The following INO80E variants were observed in gnomAD, a reference collection of about 807,000 sequenced individuals.
INO80E encodes coiled-coil domain containing 95.
A neutral mutation model predicts 27.3 loss-of-function variants in INO80E; 20 were observed. That is an observed-to-expected ratio of 0.73 (90% confidence interval 0.51 to 1.06). The LOEUF (loss-of-function observed/expected upper bound fraction) is 1.06. Among genes scored for constraint, INO80E ranks in the 50% least tolerant of loss-of-function variants. INO80E has a pLI of 0.00. For synonymous variants in INO80E, 167 were observed against 145.9 expected (o/e 1.14, Z -1.04); for missense variants, 357 against 322.8 (o/e 1.11, Z -0.81).
chr16:30,001,640 A>C, intron 6 of INO80E, 110 bp downstream of exon 6: 1 of 1,041,710 alleles, frequency 9.6e-7, no homozygotes. Flanking sequence ...TAATTTGGGG[A>C]CCCAGTCAGC....
Position 29,996,296 on chromosome 16 carries a change from A to G in INO80E, c.-15A>G. ...AGCGGGAGGGCAGACTCTGGGCGCC[A>G]CTCCCGGGCCGGTCATGAACGGGCC... is the stretch of plus-strand genomic sequence containing the variant. On this transcript the variant is annotated 5_prime_UTR_variant, in exon 1 of 7. Transcript: ENST00000563197. 6.3e-7 allele frequency: 1 copy of G among 1,579,106 alleles called. No homozygotes were observed. Among genetic ancestry groups the G allele is most frequent in the Non-Finnish European group, 8.6e-7 (1 of 1,162,748 alleles).
rs770697161 is a variant in INO80E, at chr16:30,001,545, G to C, written c.513+15G>C. The stretch of plus-strand genomic sequence containing the variant: ...GGAAACTCAAGGTACCCTGACGTGG[G>C]GGTGCTAGGGAGGGGCAGGACGGCA... On this transcript the variant is annotated intron_variant, in intron 6 of 6. Transcript: ENST00000563197. 6 of 1,608,420 alleles carry C rather than the reference G, an allele frequency of 3.7e-6. No individual in the cohort carries two copies. The highest frequency in any genetic ancestry group is 1.7e-5 in the Admixed American group (1 of 59,406).
intron 3 of INO80E, 84 bp from the exon 4 acceptor site, chr16:30,000,674 C>A: frequency 9.0e-7 from 1 of 1,115,400 alleles, no homozygotes; most frequent in Non-Finnish European, 1.3e-6. Flanking sequence ...CTTCCAGTGC[C>A]CTTCTGTAGT....
intron 6 of INO80E, chr16:30,001,807 G>T (rs1020594204): frequency 9.2e-6 from 4 of 436,876 alleles, no homozygotes. Context: ...ATTTTCCCAG[G>T]GGGGCGTGTT....
chr16:29,996,505 C>T (rs761824058), intron 1 of INO80E, 42 bp from the exon 2 acceptor site: 4 of 1,553,302 alleles, frequency 2.6e-6, no homozygotes, highest in African/African-American at 1.4e-5. Flanking sequence ...GGGCCCTTCA[C>T]GGAGGACCGT....
intron 6 of INO80E, chr16:30,002,402 G>C (rs1055481875): frequency 4.6e-5 from 7 of 152,724 alleles, no homozygotes; most frequent in African/African-American, 1.7e-4. Flanking sequence ...GTGTGGAGGG[G>C]GAGTGATCTA....
intron 3 of INO80E, 134 bp downstream of exon 3, chr16:29,996,994 C>T (rs1161034384): frequency 5.0e-6 from 4 of 797,944 alleles, no homozygotes; most frequent in Admixed American, 2.1e-5. Flanking sequence ...TTGCCTTCCA[C>T]CTCCACCGTT....
chr16:29,997,615 G>A (rs535623014), intron 3 of INO80E, among the ~76,000 whole-genome samples: 42 of 152,136 alleles, frequency 2.8e-4, no homozygotes, highest in Admixed American at 8.5e-4. Context: ...TTAGTCGGGT[G>A]TGGTGGCGTG....
chr16:29,996,924 C>T lies in INO80E; in HGVS notation c.205+64C>T. 2.0e-6 allele frequency: 3 copies of T among 1,525,208 alleles called. No homozygotes were observed. The African/African-American group carries it at 4.1e-5, about 21-fold the overall frequency. 94.5% of individuals were successfully genotyped at this position (1,525,208 alleles called of 1,614,324 possible). A position where few individuals can be genotyped will look rare whatever the true frequency, so the allele number is the denominator to read the frequency against. Reference sequence around the variant, plus strand: ...CCTGGTACTTAGCAAGCTTCCTGGGCCCCCGCCTTTTAGGCAGTGGTGGCT... The same window carrying T: ...CCTGGTACTTAGCAAGCTTCCTGGGTCCCCGCCTTTTAGGCAGTGGTGGCT... On this transcript the variant is annotated intron_variant, in intron 3 of 6. Coordinates refer to ENST00000563197, the MANE Select transcript of INO80E (RefSeq NM_173618.3).
chr16:30,001,194 C>T, intron 5 of INO80E, 154 bp downstream of exon 5: 2 of 1,476,142 alleles, frequency 1.4e-6, no homozygotes, highest in Non-Finnish European at 1.8e-6. Flanking sequence ...CGGGGCTGCC[C>T]CCTTCTCTCT....
intron 3 of INO80E, chr16:29,999,192 G>A (rs1391914346): frequency 7.2e-5 from 11 of 152,236 alleles, no homozygotes; most frequent in Admixed American, 7.2e-4. Flanking sequence ...GAAATAGGCA[G>A]GGGCCCACTC....
intron 3 of INO80E, chr16:29,999,241 C>T (rs1026538152): frequency 2.0e-5 from 3 of 152,258 alleles, no homozygotes; most frequent in African/African-American, 7.2e-5. Context: ...TTATTGTAGC[C>T]TCTCATCCCC....
At position 29,996,381 on chromosome 16, in the gene INO80E, T is replaced by G. The variant is rs1386370514; in HGVS notation, c.71T>G (p.Phe24Cys). ...CGGAATCTGAAGCGGAAGCTCAAGTTCCTCATCTACGTGAGTGCTGCCGCG... is the reference window on the plus strand; with the variant it reads ...CGGAATCTGAAGCGGAAGCTCAAGTGCCTCATCTACGTGAGTGCTGCCGCG... ...KYRNLKRKLK[F>C]LIYEHECFQE... Residue 24 changes from phenylalanine to cysteine, a missense_variant, in exon 1 of 7, where the codon TTC becomes TGC. Coordinates refer to ENST00000563197, the MANE Select transcript of INO80E (RefSeq NM_173618.3). The G allele has an allele frequency of 1.3e-6, 2 of 1,591,972 alleles. No homozygotes were observed. The highest frequency in any genetic ancestry group is 2.3e-5 in the East Asian group (1 of 43,982).
chr16:29,999,766 A>G (rs1362576202), intron 3 of INO80E, among the ~76,000 whole-genome samples: 2 of 152,236 alleles, frequency 1.3e-5, no homozygotes, highest in Non-Finnish European at 2.9e-5. Flanking sequence ...AAGCAGCACC[A>G]TGAATTCATG....
chr16:30,005,212 C>A lies in INO80E; in HGVS notation c.514-9C>A. On this transcript the variant is annotated splice_polypyrimidine_tract_variant and intron_variant, in intron 6 of 6. Coordinates refer to ENST00000563197, the MANE Select transcript of INO80E (RefSeq NM_173618.3). ...ACTAGTCCCCCTGTGTTTCTTCCCC[C>A]TGCTGCAGATGGCGGTGGGACCCCC... 6.9e-7 allele frequency: 1 copy of A among 1,444,370 alleles called. No individual in the cohort carries two copies. The highest frequency in any genetic ancestry group is 9.1e-7 in the Non-Finnish European group (1 of 1,102,720). 89.5% of individuals were successfully genotyped at this position (1,444,370 alleles called of 1,614,324 possible).
intron 3 of INO80E, among the ~76,000 whole-genome samples, chr16:29,998,879 A>G (rs1294290654): frequency 1.3e-5 from 2 of 152,210 alleles, no homozygotes; most frequent in Non-Finnish European, 2.9e-5. Flanking sequence ...CCCCGTCTCT[A>G]CTAAAAATAC....
chr16:30,001,104 C>A (rs1357878175), intron 5 of INO80E, 64 bp downstream of exon 5: 9 of 1,490,176 alleles, frequency 6.0e-6, no homozygotes, highest in African/African-American at 1.4e-5. Context: ...GGCAGAAGGG[C>A]TGGGCCTCGG....
rs935496132 is a variant in INO80E at position 30,003,199 on chromosome 16, C to G, written c.513+1669C>G. 1 of 151,490 alleles carries G rather than the reference C, an allele frequency of 6.6e-6. No individual in the cohort carries two copies. The highest frequency in any genetic ancestry group is 2.4e-5 in the African/African-American group (1 of 41,046). 9.4% of individuals were successfully genotyped at this position (151,490 alleles called of 1,614,324 possible). A position where few individuals can be genotyped will look rare whatever the true frequency, so the allele number is the denominator to read the frequency against. On this transcript the variant is annotated intron_variant, in intron 6 of 6. Coordinates refer to ENST00000563197, the MANE Select transcript of INO80E (RefSeq NM_173618.3). The surrounding 1 kb of genome is among the most constrained non-coding windows in gnomAD (Gnocchi z 4.4). ...GAGGGTGGCCCAGGTCCATGGCTGT[C>G]GGGGGAGGTGGGGAGAAGCCAGGAA...
intron 6 of INO80E, chr16:30,002,703 A>C (rs2070395061): frequency 6.6e-6 from 1 of 152,168 alleles, no homozygotes; most frequent in Admixed American, 6.5e-5. Context: ...AGGAAAACTG[A>C]GTCTGGCCGC....
Sources: allele counts gnomAD v4.1 joint callset (sites outside exome capture counted in the v4.1 genomes callset), GRCh38; gene constraint gnomAD v4.1.1; non-coding constraint Gnocchi (gnomAD v3.1); transcripts MANE v1.5; gene names NCBI Gene and HGNC (gene_info 2026-07-23, HGNC 2026-07-21).